Variants in PMEL observed in about 807,000 individuals in gnomAD.
PMEL encodes the protein premelanosome protein.
In PMEL, 53 loss-of-function variants were observed where a neutral mutation model predicts 64.9. The ratio of observed to expected loss-of-function variants is 0.82; its 90% CI spans 0.66 to 1.03. The LOEUF is 1.03. PMEL is among the 50% of genes least tolerant of loss of function. PMEL has a pLI of 0.00. For missense variants in PMEL, 716 were observed against 814.9 expected, an observed-to-expected ratio of 0.88 and a Z score of 1.48; for synonymous variants, 299 against 316.2, an observed-to-expected ratio of 0.95 and a Z score of 0.58.
Position 55,955,289 on chromosome 12 carries a change from G to T in PMEL, c.1835C>A (p.Ala612Glu), listed in dbSNP as rs1888819006. The T allele has an allele frequency of 6.2e-7, 1 of 1,610,980 alleles. No individual in the cohort carries two copies. Among genetic ancestry groups the T allele is most frequent in the Admixed American group, 1.7e-5 (1 of 59,980 alleles). Reference sequence around the variant, plus strand: ...AGGCCCTTACCTATATATCAGAGATGCAAGGACCACAGCCATCAACACCAG... The same window carrying T: ...AGGCCCTTACCTATATATCAGAGATTCAAGGACCACAGCCATCAACACCAG... ...ILLVLMAVVL[A>E]SLIYRRRLMK... Residue 612 changes from alanine to glutamate, a missense_variant, in exon 10 of 11, where the codon GCA becomes GAA. Transcript: ENST00000548747.
chr12:55,955,635 G>A lies in PMEL; in HGVS notation c.1591C>T (p.Pro531Ser). The change falls in exon 9 of 11, where the codon CCA (proline) becomes TCA (serine). Residue 531 changes from proline to serine, a missense_variant. Physicochemically the swap from Pro to Ser is moderately conservative, Grantham distance 74. Coordinates refer to ENST00000548747, the MANE Select transcript of PMEL (RefSeq NM_001384361.1). ...PKEACMEISS[P>S]GCQPPAQRLC... ...CGCTGGGCAGGGGGCTGGCACCCTGGCGATGAGATCTCCATGCAGGCTTCC... is the reference window on the plus strand; with the variant it reads ...CGCTGGGCAGGGGGCTGGCACCCTGACGATGAGATCTCCATGCAGGCTTCC... 1 of 1,613,440 alleles carries A rather than the reference G, an allele frequency of 6.2e-7. No individual in the cohort carries two copies. The highest frequency in any genetic ancestry group is 8.5e-7 in the Non-Finnish European group (1 of 1,179,668).
upstream of PMEL, chr12:55,966,584 G>A: frequency 4.5e-6 from 3 of 661,668 alleles, no homozygotes; most frequent in Non-Finnish European, 5.8e-6. Context: ...AGAGACATAG[G>A]TAGGAAACTT....
chr12:55,956,769 T>G, intron 6 of PMEL, among the ~76,000 whole-genome samples, 180 bp downstream of exon 6: 1 of 152,156 alleles, frequency 6.6e-6, no homozygotes. Flanking sequence ...TTTCCTGAAC[T>G]CCAGACCTAT....
chr12:55,962,789 C>T (rs1187762312), intron 1 of PMEL, among the ~76,000 whole-genome samples: 1 of 151,770 alleles, frequency 6.6e-6, no homozygotes, highest in Non-Finnish European at 1.5e-5. Flanking sequence ...CTTCGGCCTC[C>T]CAAAGTGCTG....
rs534569644 is a variant in PMEL at position 55,956,513 on chromosome 12, G to A, written c.1355-294C>T. ...GTCCTAGGCTAGACATTCAACGTGT[G>A]TTAACTCATTTAAGCATCACTGTTT... On this transcript the variant is annotated intron_variant, in intron 6 of 10. Transcript: ENST00000548747. 200 of 369,044 alleles carry A rather than the reference G, an allele frequency of 5.4e-4. 2 individuals carry two copies. In the South Asian group the frequency reaches 9.0e-3, roughly 17 times the overall value. 22.9% of individuals were successfully genotyped at this position (369,044 alleles called of 1,614,324 possible).
chr12:55,960,537 G>GTTTTTTTTTT lies in PMEL; in HGVS notation c.334+770_334+779dup, dbSNP rs760692409. On this transcript the variant is annotated intron_variant, in intron 3 of 10. Transcript: ENST00000548747. ...TAATTTTCTTTTCTTTTTGCTTTCT[G>GTTTTTTTTTT]TTTTTTTTTTTTTTTTTTTTTTTGA... 1.1e-3 allele frequency among the ~76,000 whole-genome samples: 103 copies of GTTTTTTTTTT among 97,296 alleles called. 4 individuals are homozygous for GTTTTTTTTTT. The highest frequency in any genetic ancestry group is 4.6e-3 in the African/African-American group (101 of 22,140). The allele number at this position is 97,296 out of a possible 152,430, so 63.8% of individuals were successfully genotyped here.
chr12:55,966,622 T>C (rs986954439), upstream of PMEL: 88 of 1,015,506 alleles, frequency 8.7e-5, no homozygotes, highest in Non-Finnish European at 1.0e-4. Context: ...TTGGGAAGAG[T>C]GTTCAGCCGC....
chr12:55,964,683 T>TA (rs2136451490), intron 1 of PMEL, among the ~76,000 whole-genome samples: 1 of 152,184 alleles, frequency 6.6e-6, no homozygotes, highest in Admixed American at 6.5e-5. Flanking sequence ...TGGAATGCAA[T>TA]GGTGTGATCT....
chr12:55,956,845 A>C, intron 6 of PMEL, 104 bp downstream of exon 6: 1 of 1,243,898 alleles, frequency 8.0e-7, no homozygotes, highest in Non-Finnish European at 1.1e-6. Flanking sequence ...AGGGGACCAT[A>C]GTGCTAAGCA....
In PMEL at chr12:55,966,020, T is replaced by C; in HGVS notation, c.-9A>G. On this transcript the variant is annotated 5_prime_UTR_variant, in exon 1 of 11. Coordinates refer to ENST00000548747, the MANE Select transcript of PMEL (RefSeq NM_001384361.1). Reference sequence around the variant, plus strand: ...TTTAGCACCAGATCCATTGTGTTCTTCCCTCCAGCAACCAAAGGCACTGGG... The same window carrying C: ...TTTAGCACCAGATCCATTGTGTTCTCCCCTCCAGCAACCAAAGGCACTGGG... The C allele has an allele frequency of 6.2e-7, 1 of 1,614,186 alleles. No individual in the cohort carries two copies. Among genetic ancestry groups the C allele is most frequent in the Non-Finnish European group, 8.5e-7 (1 of 1,180,026 alleles).
At chr12:55,958,690 C>A in intron 3 of PMEL, 83 bp from the exon 4 acceptor site, 1 of 1,350,484 alleles carries the variant, frequency 7.4e-7, no homozygotes, top group Non-Finnish European at 1.0e-6. Context: ...CCCAGGGTAT[C>A]AGAGAGGGGC....
chr12:55,954,227 C>T lies in PMEL; in HGVS notation c.1973G>A (p.Gly658Glu). Reference protein sequence around the residue: ...PIGENSPLLSGQQV With the variant: ...PIGENSPLLSEQQV Reference sequence around the variant, plus strand: ...ATATGAGAGTACTCAGACCTGCTGCCCACTGAGGAGGGGGCTGTTCTCACC... The same window carrying T: ...ATATGAGAGTACTCAGACCTGCTGCTCACTGAGGAGGGGGCTGTTCTCACC... Residue 658 changes from glycine to glutamate, a missense_variant, in exon 11 of 11, where the codon GGG becomes GAG. Transcript: ENST00000548747. The T allele has an allele frequency of 6.2e-7, 1 of 1,611,884 alleles. No homozygotes were observed. The highest frequency in any genetic ancestry group is 8.5e-7 in the Non-Finnish European group (1 of 1,179,108).
chr12:55,956,180 C>T lies in PMEL; in HGVS notation c.1394G>A (p.Arg465Lys), dbSNP rs1565773461. 1 of 1,613,952 alleles carries T rather than the reference C, an allele frequency of 6.2e-7. No homozygotes were observed. Among genetic ancestry groups the T allele is most frequent in the Non-Finnish European group, 8.5e-7 (1 of 1,179,962 alleles). ...CAGGGGGACTTGTCTCTTCACCAGC[C>T]TTAAGGTGGCTGTACCATCCAGCAG... ...GPLLDGTATL[R>K]LVKRQVPLDC... Residue 465 changes from arginine to lysine, a missense_variant, in exon 7 of 11, where the codon AGG becomes AAG. Physicochemically the swap from Arg to Lys is conservative, Grantham distance 26. Transcript: ENST00000548747.
chr12:55,956,976 A>G lies in PMEL; in HGVS notation c.1327T>C (p.Ser443Pro). The G allele has an allele frequency of 6.2e-7, 1 of 1,614,138 alleles. No homozygotes were observed. The highest frequency in any genetic ancestry group is 8.5e-7 in the Non-Finnish European group (1 of 1,180,006). The change falls in exon 6 of 11, where the codon TCA becomes CCA. Residue 443 changes from serine to proline, a missense_variant. Ser to Pro is a moderately conservative substitution (Grantham distance 74, BLOSUM62 -1). Transcript: ENST00000548747. ...IPEPEGPDASSIMSTESITGS... is the reference protein window; with the variant it reads ...IPEPEGPDASPIMSTESITGS... ...GTAATACTTTCCGTAGACATGATTGAGCTGGCATCTGGACCTTCAGGCTCA... is the reference window on the plus strand; with the variant it reads ...GTAATACTTTCCGTAGACATGATTGGGCTGGCATCTGGACCTTCAGGCTCA...
rs1592772830 is a variant in PMEL at position 55,961,422 on chromosome 12, G to A, written c.229C>T (p.Leu77=). ...GAGAAGGAGGCATTTGCACCAATCA[G>A]TGTAGGCCCATCATTACTGACCTTG... ...SLKVSNDGPT[L]IGANASFSIA... Residue 77 remains leucine, a synonymous_variant, in exon 3 of 11, where the codon CTG becomes TTG. Transcript: ENST00000548747. The A allele has an allele frequency of 5.6e-6, 9 of 1,614,158 alleles. No homozygotes were observed. The East Asian group carries it at 2.0e-4, about 36-fold the overall frequency.
chr12:55,961,598 C>G, intron 2 of PMEL, 24 bp downstream of exon 2: 1 of 1,601,896 alleles, frequency 6.2e-7, no homozygotes, highest in Non-Finnish European at 8.6e-7. Flanking sequence ...ACCATGCCCT[C>G]CCCTGGAACT....
At chr12:55,959,330 A>G (rs1889013595) in intron 3 of PMEL, among the ~76,000 whole-genome samples, 1 of 151,824 alleles carries the variant, frequency 6.6e-6, no homozygotes, top group Non-Finnish European at 1.5e-5. Flanking sequence ...GGCTGCAATT[A>G]GCTATGATCA....
intron 5 of PMEL, 96 bp downstream of exon 5, chr12:55,957,827 T>C: frequency 6.5e-7 from 1 of 1,544,870 alleles, no homozygotes; most frequent in East Asian, 2.3e-5. Flanking sequence ...CTACTTTAAG[T>C]TTGCACAGCA....
In PMEL at chr12:55,958,555, G is replaced by A. The variant is rs750292639; in HGVS notation, c.387C>T (p.Ala129=). The part of the protein sequence containing the change: ...QPVYPQETDD[A]CIFPDGGPCP... ...AAGGTCCACCATCAGGGAAGATGCAGGCATCGTCAGTTTCCTGGGGATACA... is the reference window on the plus strand; with the variant it reads ...AAGGTCCACCATCAGGGAAGATGCAAGCATCGTCAGTTTCCTGGGGATACA... The change falls in exon 4 of 11, where the codon GCC becomes GCT. Residue 129 remains alanine (A), a synonymous_variant. Coordinates refer to ENST00000548747, the MANE Select transcript of PMEL (RefSeq NM_001384361.1). 2 of 1,613,840 alleles carry A rather than the reference G, an allele frequency of 1.2e-6. No individual in the cohort carries two copies. Among genetic ancestry groups the A allele is most frequent in the African/African-American group, 1.3e-5 (1 of 74,914 alleles).
Sources: gnomAD v4.1 joint callset for allele counts (sites outside exome capture counted in the v4.1 genomes callset) on GRCh38, gnomAD v4.1.1 for gene constraint, MANE v1.5 for transcripts, NCBI Gene and HGNC (gene_info 2026-07-23, HGNC 2026-07-21) for gene names.